Variants in CECR2 observed in about 807,000 individuals in gnomAD.
CECR2 encodes the protein CECR2 histone acetyl-lysine reader.
In CECR2, 30 loss-of-function variants were observed where a neutral mutation model predicts 154.5. The ratio of observed to expected loss-of-function variants is 0.19; its 90% CI spans 0.15 to 0.26. CECR2 has a LOEUF of 0.26. Among genes scored for constraint, CECR2 ranks in the 10% least tolerant of loss-of-function variants. CECR2 has a pLI of 1.00. For missense variants in CECR2, 1,743 were observed against 1,829.3 expected, an observed-to-expected ratio of 0.95 and a Z score of 0.86; for synonymous variants, 725 against 683.7, an observed-to-expected ratio of 1.06 and a Z score of -0.94.
At chr22:17,501,877 A>G (rs2055744590) in intron 5 of CECR2, among the ~76,000 whole-genome samples, 1 of 152,046 alleles carries the variant, frequency 6.6e-6, no homozygotes, top group Admixed American at 6.6e-5. Context: ...GCTACCCTCT[A>G]CTGGTGACTT....
rs1394123883 is a variant in CECR2, at chr22:17,369,496, G to A, written c.-288G>A. ...CGGCGGGGACTCGATTATATTGTAG[G>A]GGACTGGGGGCGGCCGCCGCCGCAG... On this transcript the variant is annotated 5_prime_UTR_variant, in exon 1 of 19. Transcript: ENST00000262608. The A allele has an allele frequency of 1.3e-5, 2 of 150,044 alleles. No individual in the cohort carries two copies. Among genetic ancestry groups the A allele is most frequent in the African/African-American group, 4.9e-5 (2 of 41,124 alleles). 9.3% of individuals were successfully genotyped at this position (150,044 alleles called of 1,614,324 possible). A position where few individuals can be genotyped will look rare whatever the true frequency, so the allele number is the denominator to read the frequency against.
chr22:17,382,094 G>A (rs375576898), intron 1 of CECR2, among the ~76,000 whole-genome samples: 1 of 151,132 alleles, frequency 6.6e-6, no homozygotes, highest in Non-Finnish European at 1.5e-5. Flanking sequence ...GTTTCGCCGT[G>A]TTAGCCAGGA....
In CECR2 at chr22:17,552,135, T is replaced by A; in HGVS notation, c.4382T>A (p.Leu1461Gln). 6.2e-7 allele frequency: 1 copy of A among 1,613,682 alleles called. No individual in the cohort carries two copies. The highest frequency in any genetic ancestry group is 8.5e-7 in the Non-Finnish European group (1 of 1,179,608). Residue 1461 changes from leucine to glutamine, a missense_variant, in exon 18 of 19, where the codon CTG becomes CAG. Physicochemically the swap from Leu to Gln is moderately radical, Grantham distance 113. Coordinates refer to ENST00000262608, the MANE Select transcript of CECR2 (RefSeq NM_001290047.2). ...CCTCATAAGCCTCCAACACTTCCCC[T>A]GGATCAGGTAAGGATCACTAAAAAT... is the stretch of plus-strand genomic sequence containing the variant. Reference protein sequence around the residue: ...VPPHKPPTLPLDQS With the variant: ...VPPHKPPTLPQDQS
At chr22:17,401,741 A>G (rs991370584) in intron 1 of CECR2, among the ~76,000 whole-genome samples, 25 of 151,924 alleles carry the variant, frequency 1.6e-4, no homozygotes, top group South Asian at 8.3e-4. Flanking sequence ...AAATTTGTGT[A>G]CCATTCTTTA....
intron 1 of CECR2, among the ~76,000 whole-genome samples, chr22:17,431,493 C>T (rs28743053): frequency 0.034 from 5,104 of 152,220 alleles, 301 homozygotes; most frequent in African/African-American, 0.12. Flanking sequence ...TGAACTTCAT[C>T]GGCTCTAAAA....
chr22:17,467,625 T>G (rs1370397172), intron 1 of CECR2, among the ~76,000 whole-genome samples: 1 of 152,022 alleles, frequency 6.6e-6, no homozygotes, highest in Middle Eastern at 3.2e-3. Context: ...CTACTAAAAA[T>G]ACAAAAATTA....
intron 3 of CECR2, 118 bp downstream of exon 3, chr22:17,497,704 G>T: frequency 2.1e-6 from 2 of 948,250 alleles, no homozygotes; most frequent in South Asian, 3.0e-5. Flanking sequence ...ACTAGTCTTG[G>T]TACTATTCAT....
chr22:17,552,902 A>G lies in CECR2; in HGVS notation c.*62A>G. Reference sequence around the variant, plus strand: ...GCACACGAAGACTGGAATGTGGAGAACTGGGGAGTGCCCTGTCAGCTCTAT... The same window carrying G: ...GCACACGAAGACTGGAATGTGGAGAGCTGGGGAGTGCCCTGTCAGCTCTAT... On this transcript the variant is annotated 3_prime_UTR_variant, in exon 19 of 19. Coordinates refer to ENST00000262608, the MANE Select transcript of CECR2 (RefSeq NM_001290047.2). 1.3e-6 allele frequency: 2 copies of G among 1,543,048 alleles called. No individual in the cohort carries two copies. Among genetic ancestry groups the G allele is most frequent in the Non-Finnish European group, 1.7e-6 (2 of 1,144,372 alleles).
At chr22:17,460,752 C>T (rs2054925422) in intron 1 of CECR2, among the ~76,000 whole-genome samples, 1 of 152,226 alleles carries the variant, frequency 6.6e-6, no homozygotes, top group African/African-American at 2.4e-5. Flanking sequence ...CATTAATAAA[C>T]ACTATCTACA....
In CECR2 at chr22:17,429,947, C is replaced by T. The variant is rs569714414; in HGVS notation, c.127-47641C>T. On this transcript the variant is annotated intron_variant, in intron 1 of 18. Transcript: ENST00000262608. ...CTTAGGAGAAAAAATAGTTTAGTTA[C>T]GACAAAGAGGAGAATATTGCCAAAT... Among the ~76,000 whole-genome samples, 17 of 152,206 alleles carry T rather than the reference C, an allele frequency of 1.1e-4. No individual in the cohort carries two copies. In the South Asian group the frequency reaches 1.5e-3, roughly 13 times the overall value.
At chr22:17,443,675 T>C (rs1360933360) in intron 1 of CECR2, among the ~76,000 whole-genome samples, 1 of 152,220 alleles carries the variant, frequency 6.6e-6, no homozygotes, top group Non-Finnish European at 1.5e-5. Context: ...TCGCCTGTTC[T>C]GTGCACCACT....
intron 2 of CECR2, among the ~76,000 whole-genome samples, chr22:17,493,885 T>A (rs1423027865): frequency 1.3e-5 from 2 of 152,222 alleles, no homozygotes; most frequent in Non-Finnish European, 2.9e-5. Flanking sequence ...GTGAAGCTGC[T>A]ATTCTGGTGA....
At chr22:17,402,751 CTTCTTTTTTTTT>C (rs1322951348) in intron 1 of CECR2, among the ~76,000 whole-genome samples, 1 of 128,568 alleles carries the variant, frequency 7.8e-6, no homozygotes, top group South Asian at 2.3e-4. Flanking sequence ...TCTTTCTTTT[CTTCTTTTTTTTT>C]TTTTTTTTTT....
chr22:17,488,857 CTG>C (rs372121180), intron 2 of CECR2, among the ~76,000 whole-genome samples: 2 of 152,192 alleles, frequency 1.3e-5, no homozygotes, highest in Admixed American at 6.5e-5. Context: ...TTGACTTAAA[CTG>C]TGAAATTATT....
At chr22:17,508,195 A>C (rs888526350) in intron 7 of CECR2, among the ~76,000 whole-genome samples, 2 of 152,184 alleles carry the variant, frequency 1.3e-5, no homozygotes, top group Admixed American at 6.5e-5. Context: ...CATAGCCTTT[A>C]TGACACTGTA....
intron 2 of CECR2, among the ~76,000 whole-genome samples, chr22:17,493,476 G>T (rs1295147453): frequency 1.3e-5 from 2 of 152,074 alleles, no homozygotes; most frequent in African/African-American, 2.4e-5. Context: ...CAGTGCCTTT[G>T]CCCTCAAGAG....
chr22:17,523,004 C>CG (rs1286184674), intron 8 of CECR2, among the ~76,000 whole-genome samples: 21 of 131,510 alleles, frequency 1.6e-4, no homozygotes, highest in South Asian at 1.4e-3. Flanking sequence ...GACTCCATCT[C>CG]GGGGGGAAAA....
At chr22:17,506,367 T>G (rs1410077116) in intron 7 of CECR2, among the ~76,000 whole-genome samples, 1 of 151,538 alleles carries the variant, frequency 6.6e-6, no homozygotes, top group Non-Finnish European at 1.5e-5. Context: ...GCTGAAGCAC[T>G]CTTCCTGTCT....
chr22:17,421,498 C>G (rs2054248313), intron 1 of CECR2, among the ~76,000 whole-genome samples: 2 of 150,924 alleles, frequency 1.3e-5, no homozygotes, highest in East Asian at 3.9e-4. Context: ...GCCTGTAGTC[C>G]CAGCTACTTG....
Sources: allele counts gnomAD v4.1 joint callset (sites outside exome capture counted in the v4.1 genomes callset), GRCh38; gene constraint gnomAD v4.1.1; transcripts MANE v1.5; gene names NCBI Gene and HGNC (gene_info 2026-07-23, HGNC 2026-07-21).